The following UBE2A variants were observed in gnomAD, a reference collection of about 807,000 sequenced individuals.
UBE2A encodes ubiquitin conjugating enzyme E2 A, also known as ubiquitin-conjugating enzyme E2 A.
For missense variants in UBE2A, 27 were observed against 125.8 expected, an observed-to-expected ratio of 0.21 and a Z score of 3.76; for synonymous variants, 39 against 41.1, an observed-to-expected ratio of 0.95 and a Z score of 0.20.
At position 119,584,238 on chromosome X, in the gene UBE2A, A is replaced by G. The variant is rs1303215793; in HGVS notation, c.*983A>G. On this transcript the variant is annotated 3_prime_UTR_variant, in exon 6 of 6. Coordinates refer to ENST00000371558, the MANE Select transcript of UBE2A (RefSeq NM_003336.4). Reference sequence around the variant, plus strand: ...GTCTGCGATCTTTTTTTGGATATTTATACTTTTAGATATATAGTACCTTTA... The same window carrying G: ...GTCTGCGATCTTTTTTTGGATATTTGTACTTTTAGATATATAGTACCTTTA... 8.9e-6 allele frequency: 1 copy of G among 111,942 alleles called. No homozygotes were observed. Among genetic ancestry groups the G allele is most frequent in the African/African-American group, 3.3e-5 (1 of 30,737 alleles). 9.2% of individuals were successfully genotyped at this position (111,942 alleles called of 1,213,427 possible).
At chrX:119,576,337 T>A (rs2053415798) in intron 3 of UBE2A, among the ~76,000 whole-genome samples, 1 of 111,493 alleles carries the variant, frequency 9.0e-6, no homozygotes, top group Non-Finnish European at 1.9e-5. Flanking sequence ...AGTTCTACAC[T>A]CAGTTGTGTG....
chrX:119,575,213 G>A, intron 2 of UBE2A, 162 bp from the exon 3 acceptor site: 1 of 820,364 alleles, frequency 1.2e-6, no homozygotes, highest in East Asian at 3.2e-5. Context: ...GGTTAGGCGC[G>A]GCGGCTTGCC....
At chrX:119,580,037 T>C (rs1461714787) in intron 3 of UBE2A, among the ~76,000 whole-genome samples, 1 of 111,804 alleles carries the variant, frequency 8.9e-6, no homozygotes, top group Non-Finnish European at 1.9e-5. Flanking sequence ...AAAGGTGAAG[T>C]ATGTTCTGAT....
At position 119,574,613 on chromosome X, in the gene UBE2A, G is replaced by C; in HGVS notation, c.-99G>C. On this transcript the variant is annotated 5_prime_UTR_variant, in exon 1 of 6. Coordinates refer to ENST00000371558, the MANE Select transcript of UBE2A (RefSeq NM_003336.4). ...CAGCGCGGTTCCTCTGGGTGCTTCC[G>C]CCTCCCCTTCTCCTGCTTCTCCAGC... 1.8e-6 allele frequency: 2 copies of C among 1,089,227 alleles called. No individual in the cohort carries two copies. Among genetic ancestry groups the C allele is most frequent in the Non-Finnish European group, 2.5e-6 (2 of 807,756 alleles). The allele number at this position is 1,089,227 out of a possible 1,213,427, so 89.8% of individuals were successfully genotyped here. A position where few individuals can be genotyped will look rare whatever the true frequency, so the allele number is the denominator to read the frequency against.
In UBE2A at chrX:119,582,646, T is replaced by C; in HGVS notation, c.300T>C (p.Tyr100=). 1 of 1,209,228 alleles carries C rather than the reference T, an allele frequency of 8.3e-7. No homozygotes were observed. ...TTCAGAACCGTTGGAGTCCAACCTA[T>C]GATGTGTCTTCCATTCTAACATCCA... ...DILQNRWSPT[Y]DVSSILTSIQ... Residue 100 remains tyrosine, a synonymous_variant, in exon 5 of 6, where the codon TAT becomes TAC. Coordinates refer to ENST00000371558, the MANE Select transcript of UBE2A (RefSeq NM_003336.4).
chrX:119,575,614 A>T, intron 3 of UBE2A: 1 of 448,760 alleles, frequency 2.2e-6, no homozygotes, highest in Non-Finnish European at 3.8e-6. Flanking sequence ...TAAAAAAAAA[A>T]TCTGTGTAAG....
intron 3 of UBE2A, 49 bp downstream of exon 3, chrX:119,575,449 G>A (rs749455311): frequency 3.3e-6 from 4 of 1,202,209 alleles, no homozygotes; most frequent in Non-Finnish European, 3.4e-6. Flanking sequence ...GTCATCTGGG[G>A]AAAGGGTTCC....
chrX:119,577,446 C>T (rs1018975099), intron 3 of UBE2A, among the ~76,000 whole-genome samples: 5 of 110,197 alleles, frequency 4.5e-5, no homozygotes, highest in Admixed American at 9.7e-5. Flanking sequence ...TTACAGAGTC[C>T]ATTATCTACC....
In UBE2A at chrX:119,580,325, A is replaced by G. The variant is rs749212541; in HGVS notation, c.152-1182A>G. The G allele has an allele frequency of 3.6e-5, 4 of 112,355 alleles. No homozygotes were observed. The East Asian group carries it at 1.1e-3, about 31-fold the overall frequency. The allele number at this position is 112,355 out of a possible 1,213,427, so 9.3% of individuals were successfully genotyped here. A position where few individuals can be genotyped will look rare whatever the true frequency, so the allele number is the denominator to read the frequency against. ...ACTGTTTTGTCACAGATCTAGTCCT[A>G]GAATGATTATAGTCTTCTCTCTTTC... is the stretch of plus-strand genomic sequence containing the variant. On this transcript the variant is annotated intron_variant, in intron 3 of 5. Coordinates refer to ENST00000371558, the MANE Select transcript of UBE2A (RefSeq NM_003336.4).
intron 4 of UBE2A, 149 bp downstream of exon 4, chrX:119,581,745 G>A: frequency 2.0e-6 from 1 of 489,154 alleles, no homozygotes; most frequent in Non-Finnish European, 3.6e-6. Flanking sequence ...GTTGTCTGTG[G>A]CTGTCTTGTC....
At chrX:119,579,312 T>C (rs911693230) in intron 3 of UBE2A, among the ~76,000 whole-genome samples, 1 of 112,076 alleles carries the variant, frequency 8.9e-6, no homozygotes, top group African/African-American at 3.2e-5. Context: ...TCAACTTGCT[T>C]TGAACTGTGA....
rs183880106 is a variant in UBE2A, at chrX:119,576,237, T to C, written c.151+837T>C. Among the ~76,000 whole-genome samples, 193 of 111,768 alleles carry C rather than the reference T, an allele frequency of 1.7e-3. 1 individual carries two copies. The South Asian group carries it at 0.023, about 13-fold the overall frequency. On this transcript the variant is annotated intron_variant, in intron 3 of 5. Coordinates refer to ENST00000371558, the MANE Select transcript of UBE2A (RefSeq NM_003336.4). The stretch of plus-strand genomic sequence containing the variant: ...CAAGAAATAATAGAGACACCCTTTA[T>C]ACCCTTAACCCAGTCCTCTACCCAA...
rs1467131086 is a variant in UBE2A at position 119,583,385 on chromosome X, T to G, written c.*130T>G. ...ACTGTTGTGCTGTTTCCATCTTCCT[T>G]GCCAAGTTTTCCTACCCCTTCTACC... On this transcript the variant is annotated 3_prime_UTR_variant, in exon 6 of 6. Coordinates refer to ENST00000371558, the MANE Select transcript of UBE2A (RefSeq NM_003336.4). 5.9e-6 allele frequency: 6 copies of G among 1,015,295 alleles called. No individual in the cohort carries two copies. The highest frequency in any genetic ancestry group is 2.4e-5 in the Admixed American group (1 of 42,279). 83.7% of individuals were successfully genotyped at this position (1,015,295 alleles called of 1,213,427 possible).
At chrX:119,576,173 C>T (rs1295145997) in intron 3 of UBE2A, among the ~76,000 whole-genome samples, 1 of 111,577 alleles carries the variant, frequency 9.0e-6, no homozygotes, top group Non-Finnish European at 1.9e-5. Flanking sequence ...TTTTTAAAAA[C>T]TTTCTGATTT....
intron 3 of UBE2A, chrX:119,577,097 G>C (rs1168892922): frequency 1.8e-5 from 2 of 110,767 alleles, no homozygotes; most frequent in African/African-American, 6.6e-5. Context: ...CTAATTTTTT[G>C]TATCTTTAGT....
intron 3 of UBE2A, among the ~76,000 whole-genome samples, chrX:119,579,156 C>T (rs2053435732): frequency 8.9e-6 from 1 of 111,926 alleles, no homozygotes; most frequent in South Asian, 3.6e-4. Flanking sequence ...AAATAGGTTG[C>T]TTCACTTCTC....
rs902878359 is a variant in UBE2A at position 119,584,377 on chromosome X, AT to A, written c.*1123del. Reference sequence around the variant, plus strand: ...GCACAAGTAACCCATGTAAAAAAAAATGTACATTTTTCAAAAGTTGTAAATA... The same window carrying A: ...GCACAAGTAACCCATGTAAAAAAAAAGTACATTTTTCAAAAGTTGTAAATA... On this transcript the variant is annotated 3_prime_UTR_variant, in exon 6 of 6. Transcript: ENST00000371558. 5.4e-5 allele frequency: 6 copies of A among 110,632 alleles called. No homozygotes were observed. Among genetic ancestry groups the A allele is most frequent in the African/African-American group, 1.6e-4 (5 of 30,336 alleles). 9.1% of individuals were successfully genotyped at this position (110,632 alleles called of 1,213,427 possible). A position where few individuals can be genotyped will look rare whatever the true frequency, so the allele number is the denominator to read the frequency against.
In UBE2A at chrX:119,574,885, G is replaced by C; in HGVS notation, c.45-16G>C. On this transcript the variant is annotated splice_polypyrimidine_tract_variant and intron_variant, in intron 1 of 5. Transcript: ENST00000371558. Reference sequence around the variant, plus strand: ...CCAGTGCCGGCCTAGGGGGACCCCTGTCTGTCTTCCCGAAGGTTGCAGGAG... The same window carrying C: ...CCAGTGCCGGCCTAGGGGGACCCCTCTCTGTCTTCCCGAAGGTTGCAGGAG... The C allele has an allele frequency of 1.2e-5, 15 of 1,211,655 alleles. No individual in the cohort carries two copies. Among genetic ancestry groups the C allele is most frequent in the Non-Finnish European group, 1.6e-5 (14 of 895,087 alleles).
chrX:119,581,609 T>A lies in UBE2A; in HGVS notation c.241+13T>A. On this transcript the variant is annotated intron_variant, in intron 4 of 5. Transcript: ENST00000371558. ...TTCCATCCAAATGGCAAGTATCACT[T>A]TTAGTACAGTGTTTTAAACTACTAT... is the stretch of plus-strand genomic sequence containing the variant. The A allele has an allele frequency of 1.8e-6, 2 of 1,126,809 alleles. No homozygotes were observed. Among genetic ancestry groups the A allele is most frequent in the Non-Finnish European group, 2.4e-6 (2 of 817,995 alleles). 92.9% of individuals were successfully genotyped at this position (1,126,809 alleles called of 1,213,427 possible). A position where few individuals can be genotyped will look rare whatever the true frequency, so the allele number is the denominator to read the frequency against.
Sources: gnomAD v4.1 joint callset for allele counts (sites outside exome capture counted in the v4.1 genomes callset) on GRCh38, gnomAD v4.1.1 for gene constraint, MANE v1.5 for transcripts, NCBI Gene and HGNC (gene_info 2026-07-23, HGNC 2026-07-21) for gene names.